PCDHGA1: variants seen among roughly 807,000 people sequenced by gnomAD.
The protein encoded by PCDHGA1 is protocadherin gamma subfamily A, 1.
In PCDHGA1, 32 loss-of-function variants were observed where a neutral mutation model predicts 58.0. The ratio of observed to expected loss-of-function variants is 0.55; its 90% CI spans 0.42 to 0.74. PCDHGA1 has a LOEUF of 0.74. PCDHGA1 is among the 30% of genes least tolerant of loss of function. The pLI, the probability that PCDHGA1 is intolerant of heterozygous loss-of-function variation, is 0.00. For missense variants in PCDHGA1, 1,205 were observed against 1,182.3 expected (o/e 1.02, Z -0.28); for synonymous variants, 498 against 501.1 (o/e 0.99, Z 0.08).
chr5:141,350,133 C>A, intron 1 of PCDHGA1: 1 of 737,116 alleles, frequency 1.4e-6, no homozygotes, highest in Non-Finnish European at 2.0e-6. Flanking sequence ...TGAGCACAGA[C>A]GCTGCTCCTG....
At position 141,370,360 on chromosome 5, in the gene PCDHGA1, C is replaced by T. The variant is rs775816151; in HGVS notation, c.2421+37255C>T. 2.2e-5 allele frequency: 34 copies of T among 1,516,792 alleles called. No homozygotes were observed. In the South Asian group the frequency reaches 4.3e-4, roughly 19 times the overall value. The allele number at this position is 1,516,792 out of a possible 1,614,324, so 94.0% of individuals were successfully genotyped here. Reference sequence around the variant, plus strand: ...TGGGATTATTTAAAGATCTCCTCTCCTCGGATTTAGAAAGGCAAAGGCGCA... The same window carrying T: ...TGGGATTATTTAAAGATCTCCTCTCTTCGGATTTAGAAAGGCAAAGGCGCA... On this transcript the variant is annotated intron_variant, in intron 1 of 3. Transcript: ENST00000517417.
intron 1 of PCDHGA1, chr5:141,422,570 A>G: frequency 6.2e-7 from 1 of 1,614,012 alleles, no homozygotes; most frequent in African/African-American, 1.3e-5. Flanking sequence ...GATGACAACG[A>G]TAACCCTCCC....
chr5:141,357,079 C>G, intron 1 of PCDHGA1: 6 of 1,613,938 alleles, frequency 3.7e-6, no homozygotes, highest in Non-Finnish European at 5.1e-6. Context: ...AGGCGAGGTG[C>G]GCACCGCACG....
Position 141,338,345 on chromosome 5 carries a change from G to T in PCDHGA1, c.2421+5240G>T, listed in dbSNP as rs553536210. On this transcript the variant is annotated intron_variant, in intron 1 of 3. Transcript: ENST00000517417. ...TTAAAGGCAGATTTTGAAGGTAAAT[G>T]CAAAGCCATCAACCATAAACGTTCA... 3.9e-5 allele frequency among the ~76,000 whole-genome samples: 6 copies of T among 152,296 alleles called. No homozygotes were observed. In the South Asian group the frequency reaches 1.2e-3, roughly 32 times the overall value.
At chr5:141,333,454 A>G (rs979349862) in intron 1 of PCDHGA1, 3 of 395,526 alleles carry the variant, frequency 7.6e-6, no homozygotes, top group African/African-American at 6.7e-5. Flanking sequence ...GAAAAGGCTC[A>G]CCAATATTTA....
At chr5:141,340,537 T>G (rs776292365) in intron 1 of PCDHGA1, 1 of 1,614,246 alleles carries the variant, frequency 6.2e-7, no homozygotes, top group Non-Finnish European at 8.5e-7. Context: ...CCTTTGATTA[T>G]GAGCAGTTGC....
chr5:141,366,708 T>G (rs374131113), intron 1 of PCDHGA1: 2 of 1,614,120 alleles, frequency 1.2e-6, no homozygotes, highest in African/African-American at 1.3e-5. Context: ...CCTCTTCTGA[T>G]GTCTGATAAG....
chr5:141,497,384 A>G (rs2099776099), intron 2 of PCDHGA1, among the ~76,000 whole-genome samples: 1 of 151,900 alleles, frequency 6.6e-6, no homozygotes, highest in African/African-American at 2.4e-5. Context: ...TGGGGTGAGC[A>G]CCTTACCCCT....
Position 141,374,705 on chromosome 5 carries a change from T to A in PCDHGA1, c.2421+41600T>A, listed in dbSNP as rs188037010. On this transcript the variant is annotated intron_variant, in intron 1 of 3. Coordinates refer to ENST00000517417, the MANE Select transcript of PCDHGA1 (RefSeq NM_018912.3). ...ACTGGACCGGGAAGGAGAAGCCGTTTACCGCCTGGTCCTTACTGCCATGGA... is the reference window on the plus strand; with the variant it reads ...ACTGGACCGGGAAGGAGAAGCCGTTAACCGCCTGGTCCTTACTGCCATGGA... 8 of 1,609,374 alleles carry A rather than the reference T, an allele frequency of 5.0e-6. No homozygotes were observed. In the African/African-American group the frequency reaches 8.0e-5, roughly 16 times the overall value.
intron 1 of PCDHGA1, chr5:141,388,690 A>T: frequency 6.2e-7 from 1 of 1,614,030 alleles, no homozygotes; most frequent in Middle Eastern, 1.6e-4. Context: ...GCCACGGACC[A>T]GGATGAGGGT....
chr5:141,440,321 C>T (rs1048535776), intron 1 of PCDHGA1: 1 of 152,104 alleles, frequency 6.6e-6, no homozygotes, highest in African/African-American at 2.4e-5. Context: ...ACAAAAATTA[C>T]TGGGCATGGT....
chr5:141,413,352 G>A (rs896091511), intron 1 of PCDHGA1: 1 of 1,613,976 alleles, frequency 6.2e-7, no homozygotes, highest in African/African-American at 1.3e-5. Flanking sequence ...TGGGTCTGGC[G>A]CCCCGGGAGC....
chr5:141,338,838 C>T (rs1187461112), intron 1 of PCDHGA1: 1 of 1,394,352 alleles, frequency 7.2e-7, no homozygotes, highest in African/African-American at 1.4e-5. Context: ...GAAATTCAGT[C>T]GAACAGCCCA....
In PCDHGA1 at chr5:141,511,555, C is replaced by T; in HGVS notation, c.*382C>T. 1 of 305,302 alleles carries T rather than the reference C, an allele frequency of 3.3e-6. No individual in the cohort carries two copies. Among genetic ancestry groups the T allele is most frequent in the South Asian group, 3.6e-5 (1 of 28,078 alleles). 18.9% of individuals were successfully genotyped at this position (305,302 alleles called of 1,614,324 possible). ...CCTCCCCACCCCACTCCAACAGTTC[C>T]TCTTTCCCGAGTAAGGTGGTTGGGG... On this transcript the variant is annotated 3_prime_UTR_variant, in exon 4 of 4. Coordinates refer to ENST00000517417, the MANE Select transcript of PCDHGA1 (RefSeq NM_018912.3).
chr5:141,392,661 A>T, intron 1 of PCDHGA1: 1 of 803,300 alleles, frequency 1.2e-6, no homozygotes, highest in Non-Finnish European at 1.9e-6. Context: ...CAGATGCCAC[A>T]AACTAACTGC....
chr5:141,364,822 G>GA, intron 1 of PCDHGA1: 1 of 1,614,010 alleles, frequency 6.2e-7, no homozygotes, highest in Non-Finnish European at 8.5e-7. Flanking sequence ...ATGTGGGTGT[G>GA]AACTCTCTCC....
At chr5:141,365,845 A>T in intron 1 of PCDHGA1, 2 of 1,613,920 alleles carry the variant, frequency 1.2e-6, no homozygotes, top group Non-Finnish European at 1.7e-6. Flanking sequence ...CCTCCTATGT[A>T]TCCATTAACT....
intron 1 of PCDHGA1, chr5:141,382,795 T>A: frequency 1.0e-6 from 1 of 982,614 alleles, no homozygotes; most frequent in Non-Finnish European, 1.5e-6. Context: ...TCTATCCTGC[T>A]GGATTCTGAG....
chr5:141,476,123 C>G lies in PCDHGA1; in HGVS notation c.2422-18684C>G. Reference sequence around the variant, plus strand: ...GGAACTGCTTTTGAGTGAGATGGTCCCAGAGGCCTGGAGGAGCGGACTGGT... The same window carrying G: ...GGAACTGCTTTTGAGTGAGATGGTCGCAGAGGCCTGGAGGAGCGGACTGGT... On this transcript the variant is annotated intron_variant, in intron 1 of 3. Coordinates refer to ENST00000517417, the MANE Select transcript of PCDHGA1 (RefSeq NM_018912.3). This position sits in a 1 kb window ranked among gnomAD's most constrained non-coding sequence, Gnocchi z 7.6. 1 of 1,602,442 alleles carries G rather than the reference C, an allele frequency of 6.2e-7. No individual in the cohort carries two copies. The highest frequency in any genetic ancestry group is 8.5e-7 in the Non-Finnish European group (1 of 1,176,022).
Sources: allele counts gnomAD v4.1 joint callset (sites outside exome capture counted in the v4.1 genomes callset), GRCh38; gene constraint gnomAD v4.1.1; non-coding constraint Gnocchi (gnomAD v3.1); transcripts MANE v1.5; gene names NCBI Gene and HGNC (gene_info 2026-07-23, HGNC 2026-07-21).